Variants in CAMKMT observed in about 807,000 individuals in gnomAD.
CAMKMT encodes CaM KMT.
Under a neutral mutation model 48.0 loss-of-function variants are expected in CAMKMT, and 53 were observed. The observed-to-expected ratio is 1.10, with a 90% CI of 0.89 to 1.39. The LOEUF (loss-of-function observed/expected upper bound fraction) is 1.39. CAMKMT is among the 40% of genes most tolerant of loss of function. CAMKMT has a pLI of 0.00. For synonymous variants in CAMKMT, 165 were observed against 152.3 expected (o/e 1.08, Z -0.61); for missense variants, 428 against 402.7 (o/e 1.06, Z -0.54).
At chr2:44,510,720 A>G (rs1465670326) in intron 3 of CAMKMT, among the ~76,000 whole-genome samples, 1 of 152,142 alleles carries the variant, frequency 6.6e-6, no homozygotes, top group East Asian at 1.9e-4. Context: ...TAAGTTCTTT[A>G]GTGGTGATTT....
chr2:44,393,563 G>A (rs933256480), intron 3 of CAMKMT: 1 of 152,160 alleles, frequency 6.6e-6, no homozygotes, highest in African/African-American at 2.4e-5. Context: ...TCTACTACTT[G>A]AGAACCTACT....
chr2:44,512,086 A>T (rs1670593127), intron 3 of CAMKMT, among the ~76,000 whole-genome samples: 1 of 152,220 alleles, frequency 6.6e-6, no homozygotes, highest in Non-Finnish European at 1.5e-5. Flanking sequence ...TCCTTACGTC[A>T]GCCATGACAC....
At chr2:44,771,575 G>A (rs1006536511) in intron 10 of CAMKMT, among the ~76,000 whole-genome samples, 1 of 152,178 alleles carries the variant, frequency 6.6e-6, no homozygotes, top group Non-Finnish European at 1.5e-5. Flanking sequence ...GAGAGCCTTT[G>A]CAGTGTCTTG....
In CAMKMT at chr2:44,704,700, A is replaced by C. The variant is rs76541756; in HGVS notation, c.437+357A>C. ...GAAGGTCAAAAAAAAAAAAAAAAAA[A>C]CCAATAAAGACATTCTTTAAACTTC... On this transcript the variant is annotated intron_variant, in intron 4 of 10. Transcript: ENST00000378494. Among the ~76,000 whole-genome samples the C allele has an allele frequency of 1.1e-4, 16 of 149,494 alleles. No homozygotes were observed. In the East Asian group the frequency reaches 2.1e-3, roughly 20 times the overall value.
chr2:44,422,794 A>G (rs1209105826), intron 3 of CAMKMT, among the ~76,000 whole-genome samples: 3 of 152,116 alleles, frequency 2.0e-5, no homozygotes, highest in East Asian at 3.9e-4. Context: ...TTTGTCTCCC[A>G]GTTGACACTC....
At position 44,546,403 on chromosome 2, in the gene CAMKMT, G is replaced by A. The variant is rs140050434; in HGVS notation, c.376+156098G>A. Among the ~76,000 whole-genome samples the A allele has an allele frequency of 3.0e-3, 462 of 152,208 alleles. 2 individuals are homozygous for A. The highest frequency in any genetic ancestry group is 0.01 in the African/African-American group (425 of 41,530). ...AGCAGGCTCAGCCTCATTCTGCCAC[G>A]ACCATTTCCATCATCACAAGTACTT... On this transcript the variant is annotated intron_variant, in intron 3 of 10. Transcript: ENST00000378494.
intron 3 of CAMKMT, among the ~76,000 whole-genome samples, chr2:44,481,239 G>C (rs1436414892): frequency 6.6e-6 from 1 of 151,976 alleles, no homozygotes; most frequent in Non-Finnish European, 1.5e-5. Flanking sequence ...GAACTACTAG[G>C]AGCAAAGTAT....
intron 7 of CAMKMT, among the ~76,000 whole-genome samples, chr2:44,724,169 G>A (rs1028669089): frequency 3.3e-5 from 5 of 152,184 alleles, no homozygotes; most frequent in Non-Finnish European, 5.9e-5. Context: ...TACTAGGGAC[G>A]CTGAGGCAGG....
At chr2:44,622,824 T>TAAAATATATACTCAAAA (rs1672273285) in intron 3 of CAMKMT, among the ~76,000 whole-genome samples, 2 of 152,220 alleles carry the variant, frequency 1.3e-5, no homozygotes, top group Admixed American at 6.5e-5. Flanking sequence ...ATTGGTAGAA[T>TAAAATATATACTCAAAA]GATTATATTC....
At chr2:44,590,058 C>G (rs77489723) in intron 3 of CAMKMT, among the ~76,000 whole-genome samples, 1 of 151,476 alleles carries the variant, frequency 6.6e-6, no homozygotes, top group Admixed American at 6.6e-5. Flanking sequence ...ATCAAATTTT[C>G]CACATGGACG....
At chr2:44,755,609 C>T in intron 9 of CAMKMT, among the ~76,000 whole-genome samples, 1 of 152,114 alleles carries the variant, frequency 6.6e-6, no homozygotes. Context: ...GCATGATTTA[C>T]CTAGGATCTA....
intron 8 of CAMKMT, 78 bp from the exon 9 acceptor site, chr2:44,753,977 C>G (rs761785447): frequency 3.0e-6 from 3 of 1,000,758 alleles, no homozygotes; most frequent in Non-Finnish European, 4.7e-6. Flanking sequence ...GTGTAATTAG[C>G]CTTGTACTTA....
rs957899217 is a variant in CAMKMT, at chr2:44,601,416, A to G, written c.377-102867A>G. Among the ~76,000 whole-genome samples, 8 of 152,112 alleles carry G rather than the reference A, an allele frequency of 5.3e-5. 1 individual carries two copies. Among genetic ancestry groups the G allele is most frequent in the African/African-American group, 1.9e-4 (8 of 41,364 alleles). ...GGTTGCGGTGAGCCAAGATTGCGCCATTGCACTCCAGCCTGGGCAACAAGA... is the reference window on the plus strand; with the variant it reads ...GGTTGCGGTGAGCCAAGATTGCGCCGTTGCACTCCAGCCTGGGCAACAAGA... On this transcript the variant is annotated intron_variant, in intron 3 of 10. Transcript: ENST00000378494.
At chr2:44,668,860 C>T (rs949414425) in intron 3 of CAMKMT, among the ~76,000 whole-genome samples, 20 of 152,188 alleles carry the variant, frequency 1.3e-4, no homozygotes, top group Non-Finnish European at 2.6e-4. Context: ...TGGCTCACTA[C>T]AACCTCTGCC....
intron 3 of CAMKMT, among the ~76,000 whole-genome samples, chr2:44,516,131 A>G (rs946547202): frequency 7.9e-5 from 12 of 152,186 alleles, no homozygotes; most frequent in African/African-American, 2.9e-4. Flanking sequence ...AGCGCCTCAT[A>G]TGAAACACCA....
chr2:44,706,489 AC>A, intron 5 of CAMKMT, 148 bp downstream of exon 5: 1 of 693,448 alleles, frequency 1.4e-6, no homozygotes, highest in Non-Finnish European at 2.5e-6. Context: ...AGATTGACTT[AC>A]TTTCGGATCA....
rs1166205599 is a variant in CAMKMT at position 44,589,411 on chromosome 2, A to AC, written c.377-114872_377-114871insC. 5.6e-5 allele frequency among the ~76,000 whole-genome samples: 3 copies of AC among 53,960 alleles called. 1 individual carries two copies. The allele number at this position is 53,960 out of a possible 152,430, so 35.4% of individuals were successfully genotyped here. A position where few individuals can be genotyped will look rare whatever the true frequency, so the allele number is the denominator to read the frequency against. On this transcript the variant is annotated intron_variant, in intron 3 of 10. Transcript: ENST00000378494. ...CCCAGCGGCTCATTGGGGATGGGCC[A>AC]TGATGACAATGGCGGTTTTGTGGAA...
At chr2:44,769,435 C>T (rs537428868) in intron 10 of CAMKMT, among the ~76,000 whole-genome samples, 4 of 152,200 alleles carry the variant, frequency 2.6e-5, no homozygotes, top group Non-Finnish European at 4.4e-5. Context: ...AAATAAAACA[C>T]TTCCCTCTCC....
At chr2:44,524,922 T>C (rs1171509722) in intron 3 of CAMKMT, among the ~76,000 whole-genome samples, 2 of 151,990 alleles carry the variant, frequency 1.3e-5, no homozygotes, top group African/African-American at 2.4e-5. Context: ...CTTTTGTTTT[T>C]ACTTTGAGCA....
Sources: allele counts gnomAD v4.1 joint callset (sites outside exome capture counted in the v4.1 genomes callset), GRCh38; gene constraint gnomAD v4.1.1; transcripts MANE v1.5; gene names NCBI Gene and HGNC (gene_info 2026-07-23, HGNC 2026-07-21).